TCEA1: variants seen among roughly 807,000 people sequenced by gnomAD.
TCEA1 encodes the protein transcription elongation factor A protein 1.
TCEA1 carries 21 observed loss-of-function variants against 43.8 expected under a neutral mutation model. That is an observed-to-expected ratio of 0.48 (90% CI 0.34 to 0.69). TCEA1 has a LOEUF of 0.69. Among genes scored for constraint, TCEA1 ranks in the 30% least tolerant of loss-of-function variants. The pLI is 0.01. For synonymous variants in TCEA1, 104 were observed against 117.5 expected (o/e 0.88, Z 0.75); for missense variants, 250 against 365.1 (o/e 0.68, Z 2.57).
chr8:53,969,335 C>A (rs1803086715), intron 9 of TCEA1, among the ~76,000 whole-genome samples: 1 of 152,078 alleles, frequency 6.6e-6, no homozygotes, highest in Non-Finnish European at 1.5e-5. Flanking sequence ...CTGGCCCCAA[C>A]CCCTTAAAGT....
At chr8:53,986,859 C>T in intron 6 of TCEA1, 110 bp downstream of exon 6, 1 of 762,844 alleles carries the variant, frequency 1.3e-6, no homozygotes, top group East Asian at 2.8e-5. Flanking sequence ...ATGAGAGCAC[C>T]TAATTCATTG....
intron 7 of TCEA1, 52 bp from the exon 8 acceptor site, chr8:53,979,223 C>G: frequency 6.7e-7 from 1 of 1,495,396 alleles, no homozygotes; most frequent in Non-Finnish European, 9.0e-7. Flanking sequence ...CTATATATAT[C>G]CTGAATGCTT....
rs185919097 is a variant in TCEA1, at chr8:53,983,279, T to A, written c.678+1084A>T. Among the ~76,000 whole-genome samples, 468 of 151,622 alleles carry A rather than the reference T, an allele frequency of 3.1e-3. 1 individual carries two copies. Among genetic ancestry groups the A allele is most frequent in the Middle Eastern group, 0.01 (3 of 294 alleles). ...TTATATGTACTGGAAAGTCAAAAAATTTGTGTGACTCGTGTGTCACTTTAT... is the reference window on the plus strand; with the variant it reads ...TTATATGTACTGGAAAGTCAAAAAAATTGTGTGACTCGTGTGTCACTTTAT... On this transcript the variant is annotated intron_variant, in intron 7 of 9. Coordinates refer to ENST00000521604, the MANE Select transcript of TCEA1 (RefSeq NM_006756.4).
At chr8:54,009,720 T>C (rs1464241168) in intron 2 of TCEA1, 1 of 152,188 alleles carries the variant, frequency 6.6e-6, no homozygotes, top group Non-Finnish European at 1.5e-5. Context: ...TACGAACATA[T>C]AGTTAGATAG....
chr8:53,989,559 C>T (rs1374312087), intron 4 of TCEA1, among the ~76,000 whole-genome samples: 1 of 152,176 alleles, frequency 6.6e-6, no homozygotes, highest in East Asian at 1.9e-4. Context: ...TCACTGATTT[C>T]CCCCTGTATT....
intron 1 of TCEA1, among the ~76,000 whole-genome samples, chr8:54,019,913 T>G (rs781135834): frequency 1.1e-4 from 16 of 152,206 alleles, no homozygotes; most frequent in African/African-American, 3.4e-4. Context: ...TGGAAAAGTT[T>G]TGAACTACCT....
intron 1 of TCEA1, among the ~76,000 whole-genome samples, chr8:54,015,567 A>G (rs989285069): frequency 6.6e-6 from 1 of 152,188 alleles, no homozygotes; most frequent in African/African-American, 2.4e-5. Flanking sequence ...TGTCATCTCA[A>G]ATTTGCAGTT....
In TCEA1 at chr8:53,986,981, G is replaced by C. The variant is rs1803708018; in HGVS notation, c.511C>G (p.Gln171Glu). The change falls in exon 6 of 10, where the codon CAA (glutamine) becomes GAA (glutamate). Residue 171 changes from glutamine (Q) to glutamate (E), a missense_variant. Physicochemically the swap from Gln to Glu is conservative, Grantham distance 29 (BLOSUM62 2). This residue lies in a region of TCEA1 where 147 missense variants were observed against 160.3 expected (regional missense o/e 0.92). Transcript: ENST00000521604. ...IGADEEELGS[Q>E]IEEAIYQEIR... ...ACACAAAGGATATCTTCTTCAATTT[G>C]AGATCCTAATTCTTCCTCATCAGCT... is the stretch of plus-strand genomic sequence containing the variant. The C allele has an allele frequency of 1.9e-6, 3 of 1,596,498 alleles. No homozygotes were observed. The highest frequency in any genetic ancestry group is 2.6e-6 in the Non-Finnish European group (3 of 1,172,162).
At chr8:53,992,267 G>A (rs1005498545) in intron 4 of TCEA1, among the ~76,000 whole-genome samples, 4 of 151,850 alleles carry the variant, frequency 2.6e-5, no homozygotes, top group Non-Finnish European at 5.9e-5. Flanking sequence ...AGTCGAGATC[G>A]TGCCACTGCC....
chr8:53,972,343 CA>C lies in TCEA1; in HGVS notation c.826-1881del, dbSNP rs541517054. 276 of 489,472 alleles carry C rather than the reference CA, an allele frequency of 5.6e-4. 2 individuals are homozygous for C. Among genetic ancestry groups the C allele is most frequent in the African/African-American group, 5.1e-3 (259 of 50,614 alleles). 30.3% of individuals were successfully genotyped at this position (489,472 alleles called of 1,614,324 possible). A position where few individuals can be genotyped will look rare whatever the true frequency, so the allele number is the denominator to read the frequency against. On this transcript the variant is annotated intron_variant, in intron 8 of 9. Transcript: ENST00000521604. The stretch of plus-strand genomic sequence containing the variant: ...GAAGAGAATGGTGAGGATGATGATG[CA>C]AGTGACAGCAGCCCTAATCTTGCAA...
chr8:53,991,437 G>A (rs1298384821), intron 4 of TCEA1, among the ~76,000 whole-genome samples: 2 of 151,256 alleles, frequency 1.3e-5, no homozygotes, highest in African/African-American at 2.4e-5. Context: ...GCTCAGGCCT[G>A]TAATCCTAGC....
At chr8:53,982,140 T>C (rs1803531362) in intron 7 of TCEA1, among the ~76,000 whole-genome samples, 1 of 152,104 alleles carries the variant, frequency 6.6e-6, no homozygotes. Context: ...TTCAGATAGA[T>C]CTGAATAAAG....
Position 54,000,021 on chromosome 8 carries a change from AGCATTAACT to A in TCEA1, c.147_155del (p.Val50_Ala52del). 6.3e-7 allele frequency: 1 copy of A among 1,598,292 alleles called. No homozygotes were observed. Among genetic ancestry groups the A allele is most frequent in the Non-Finnish European group, 8.5e-7 (1 of 1,171,834 alleles). ...CCTCATCTGTACTCTGCTTGCGAAT[AGCATTAACT>A]GACATTCCGATTCTTGTGGACTGCA... is the stretch of plus-strand genomic sequence containing the variant. On this transcript the variant is annotated inframe_deletion, in exon 3 of 10. Coordinates refer to ENST00000521604, the MANE Select transcript of TCEA1 (RefSeq NM_006756.4).
At chr8:53,984,223 T>C (rs968071975) in intron 7 of TCEA1, 140 bp downstream of exon 7, 2 of 720,724 alleles carry the variant, frequency 2.8e-6, no homozygotes, top group East Asian at 3.1e-5. Flanking sequence ...CCTTAAGTAT[T>C]TGTCTAGTAT....
intron 3 of TCEA1, among the ~76,000 whole-genome samples, chr8:53,995,249 T>C (rs1804014045): frequency 6.7e-6 from 1 of 149,004 alleles, no homozygotes; most frequent in African/African-American, 2.5e-5. Context: ...GAGCCGAGAT[T>C]GTGCGACTGC....
intron 7 of TCEA1, among the ~76,000 whole-genome samples, chr8:53,980,668 T>C (rs1803474867): frequency 6.6e-6 from 1 of 152,212 alleles, no homozygotes; most frequent in African/African-American, 2.4e-5. Context: ...CCCGTCTCTC[T>C]TCCTCTCCTT....
intron 3 of TCEA1, among the ~76,000 whole-genome samples, chr8:53,995,847 A>G (rs1429355275): frequency 6.6e-6 from 1 of 152,258 alleles, no homozygotes; most frequent in African/African-American, 2.4e-5. Flanking sequence ...CTCATCTTGT[A>G]AAGTTGAAGT....
intron 1 of TCEA1, among the ~76,000 whole-genome samples, chr8:54,018,004 G>A (rs1158394732): frequency 6.6e-6 from 1 of 152,166 alleles, no homozygotes; most frequent in Non-Finnish European, 1.5e-5. Flanking sequence ...TTGTTCAAGA[G>A]TCAACTACAC....
intron 1 of TCEA1, among the ~76,000 whole-genome samples, chr8:54,017,843 C>T (rs1033450190): frequency 6.6e-6 from 1 of 152,054 alleles, no homozygotes; most frequent in African/African-American, 2.4e-5. Context: ...CTGCTTAAAC[C>T]CAGGAGGCGG....
Sources: gnomAD v4.1 joint callset for allele counts (sites outside exome capture counted in the v4.1 genomes callset) on GRCh38, gnomAD v4.1.1 for gene constraint, gnomAD v4.1.1 regional missense constraint, MANE v1.5 for transcripts, NCBI Gene and HGNC (gene_info 2026-07-23, HGNC 2026-07-21) for gene names.